The following PTH2R variants were observed in gnomAD, a reference collection of about 807,000 sequenced individuals.
PTH2R encodes the protein parathyroid hormone 2 receptor, also known as PTH2 receptor.
Under a neutral mutation model 60.3 loss-of-function variants are expected in PTH2R, and 59 were observed. The observed-to-expected ratio is 0.98, with a 90% CI of 0.79 to 1.22. The LOEUF (loss-of-function observed/expected upper bound fraction) is 1.22. Among genes scored for constraint, PTH2R ranks in the 50% most tolerant of loss-of-function variants. The pLI is 0.00. For synonymous variants in PTH2R, 256 were observed against 243.8 expected (o/e 1.05, Z -0.47); for missense variants, 749 against 682.6 (o/e 1.10, Z -1.08).
At chr2:208,377,844 C>G (rs1044563996) in intron 1 of PTH2R, among the ~76,000 whole-genome samples, 1 of 151,674 alleles carries the variant, frequency 6.6e-6, no homozygotes, top group Non-Finnish European at 1.5e-5. Context: ...TCCTCACTTC[C>G]TAGACGTGAT....
Position 208,368,512 on chromosome 2 carries a change from G to GT in PTH2R, c.-259+8285dup, listed in dbSNP as rs570067438. ...ATCTTGCCTCAACTAACCCTTAACTGTTTTTTTTTTGTTTTTGTTTTTTGT... is the reference window on the plus strand; with the variant it reads ...ATCTTGCCTCAACTAACCCTTAACTGTTTTTTTTTTTGTTTTTGTTTTTTGT... On this transcript the variant is annotated intron_variant, in intron 1 of 12. Coordinates refer to the PTH2R transcript ENST00000617735. Among the ~76,000 whole-genome samples the GT allele has an allele frequency of 1.1e-3, 164 of 147,536 alleles. 2 individuals are homozygous for GT. The highest frequency in any genetic ancestry group is 3.5e-3 in the Middle Eastern group (1 of 286).
At position 208,484,204 on chromosome 2, in the gene PTH2R, G is replaced by A. The variant is rs550294351; in HGVS notation, c.1076+3040G>A. On this transcript the variant is annotated intron_variant, in intron 10 of 12. Transcript: ENST00000272847. ...CTATGAAAAACAGAAAACACCTTTC[G>A]GAGCTGAGATAATCTCTCCAGGTGA... Among the ~76,000 whole-genome samples the A allele has an allele frequency of 7.2e-5, 11 of 152,296 alleles. No homozygotes were observed. In the South Asian group the frequency reaches 1.0e-3, roughly 14 times the overall value.
intron 1 of PTH2R, among the ~76,000 whole-genome samples, chr2:208,408,937 G>A (rs917744229): frequency 6.6e-6 from 1 of 151,976 alleles, no homozygotes. Flanking sequence ...TTGGGGGTGG[G>A]TGTGTTGTCC....
chr2:208,410,043 G>A (rs1368273910), intron 1 of PTH2R, among the ~76,000 whole-genome samples: 3 of 152,110 alleles, frequency 2.0e-5, no homozygotes, highest in Non-Finnish European at 4.4e-5. Flanking sequence ...AACCTTGGGG[G>A]AAAGGTGCCC....
intron 10 of PTH2R, among the ~76,000 whole-genome samples, chr2:208,487,366 G>A (rs1246504086): frequency 1.3e-5 from 2 of 152,152 alleles, no homozygotes; most frequent in African/African-American, 4.8e-5. Context: ...AAATAAAGCA[G>A]CAGGAGGAAA....
At chr2:208,449,454 A>ATAG (rs371109380) in intron 7 of PTH2R, among the ~76,000 whole-genome samples, 54,729 of 150,120 alleles carry the variant, frequency 0.36, 10,345 homozygotes, top group African/African-American at 0.39. Flanking sequence ...TAGATAGATA[A>ATAG]ATAGATAGAT....
chr2:208,377,715 C>A (rs535665842), intron 1 of PTH2R, among the ~76,000 whole-genome samples: 11 of 147,584 alleles, frequency 7.5e-5, no homozygotes, highest in South Asian at 2.2e-4. Context: ...CGGGCAGAGA[C>A]GCTCCTCACC....
chr2:208,406,955 T>C lies in PTH2R; in HGVS notation c.-89T>C, dbSNP rs1701425214. On this transcript the variant is annotated 5_prime_UTR_variant, in exon 1 of 13. Transcript: ENST00000272847. ...GCTGCGCGTCGTTACTGGCCACAAG[T>C]TTGCTCTGGGCCAGCCAAGTTGGCA... is the stretch of plus-strand genomic sequence containing the variant. 8.6e-7 allele frequency: 1 copy of C among 1,162,416 alleles called. No individual in the cohort carries two copies. The highest frequency in any genetic ancestry group is 1.1e-6 in the Non-Finnish European group (1 of 877,242). The allele number at this position is 1,162,416 out of a possible 1,614,324, so 72.0% of individuals were successfully genotyped here.
At chr2:208,386,069 A>G (rs1700996050) in intron 1 of PTH2R, among the ~76,000 whole-genome samples, 1 of 152,254 alleles carries the variant, frequency 6.6e-6, no homozygotes. Context: ...AGAAAGTTCT[A>G]GAATATATTC....
At chr2:208,465,613 A>T (rs1702732429) in intron 9 of PTH2R, among the ~76,000 whole-genome samples, 1 of 151,832 alleles carries the variant, frequency 6.6e-6, no homozygotes. Context: ...CACGTTGGCC[A>T]GGCTGGACTC....
chr2:208,408,262 T>G (rs1417505244), intron 1 of PTH2R, among the ~76,000 whole-genome samples: 1 of 152,192 alleles, frequency 6.6e-6, no homozygotes, highest in Non-Finnish European at 1.5e-5. Context: ...TAGCTGAAAG[T>G]AAGATACACT....
intron 1 of PTH2R, among the ~76,000 whole-genome samples, chr2:208,395,054 A>ATT: frequency 6.9e-6 from 1 of 145,656 alleles, no homozygotes; most frequent in Non-Finnish European, 1.5e-5. Flanking sequence ...TTTCTTTTTT[A>ATT]TTTTTTTTTT....
chr2:208,395,940 A>G (rs1299401299), intron 1 of PTH2R, among the ~76,000 whole-genome samples: 2 of 152,252 alleles, frequency 1.3e-5, no homozygotes, highest in East Asian at 3.8e-4. Flanking sequence ...CCAAAACAGC[A>G]TGGTACTGGT....
chr2:208,477,923 T>G (rs1326218206), intron 9 of PTH2R, among the ~76,000 whole-genome samples: 2 of 146,172 alleles, frequency 1.4e-5, no homozygotes, highest in Non-Finnish European at 3.0e-5. Context: ...GCACTACTAC[T>G]AGTACTAGCA....
chr2:208,456,068 G>A (rs1028180345), intron 8 of PTH2R, among the ~76,000 whole-genome samples: 11 of 151,904 alleles, frequency 7.2e-5, no homozygotes, highest in Non-Finnish European at 1.5e-4. Flanking sequence ...GTGAAACTCC[G>A]TCTCTACTAA....
At chr2:208,486,959 G>A (rs1009930548) in intron 10 of PTH2R, among the ~76,000 whole-genome samples, 2 of 152,228 alleles carry the variant, frequency 1.3e-5, no homozygotes, top group African/African-American at 4.8e-5. Flanking sequence ...AGCTCTGAAT[G>A]TGAGGATGAG....
intron 1 of PTH2R, among the ~76,000 whole-genome samples, chr2:208,407,677 T>C (rs1381828821): frequency 6.6e-6 from 1 of 152,208 alleles, no homozygotes; most frequent in Non-Finnish European, 1.5e-5. Flanking sequence ...GTACTGCTAA[T>C]ATCATTTAGA....
At chr2:208,431,930 A>G (rs1412213498) in intron 2 of PTH2R, among the ~76,000 whole-genome samples, 1 of 152,236 alleles carries the variant, frequency 6.6e-6, no homozygotes, top group East Asian at 1.9e-4. Flanking sequence ...TTAAAGAAAG[A>G]AGGCTTTTAC....
intron 1 of PTH2R, among the ~76,000 whole-genome samples, chr2:208,368,463 A>G (rs1243977311): frequency 6.6e-6 from 1 of 151,962 alleles, no homozygotes; most frequent in East Asian, 1.9e-4. Flanking sequence ...CTGTTCCTCT[A>G]CATTGGTATC....
Sources: allele counts gnomAD v4.1 joint callset (sites outside exome capture counted in the v4.1 genomes callset), GRCh38; gene constraint gnomAD v4.1.1; transcripts MANE v1.5; gene names NCBI Gene and HGNC (gene_info 2026-07-23, HGNC 2026-07-21).